PHKA1: variants seen among roughly 807,000 people sequenced by gnomAD.
The protein encoded by PHKA1 is phosphorylase kinase regulatory subunit alpha 1, also known as phosphorylase b kinase regulatory subunit alpha, skeletal muscle isoform.
A neutral mutation model predicts 110.2 loss-of-function variants in PHKA1; 60 were observed. That is an observed-to-expected ratio of 0.54 (90% CI 0.44 to 0.68). The LOEUF (loss-of-function observed/expected upper bound fraction) is 0.68. PHKA1 is among the 30% of genes least tolerant of loss of function. PHKA1 has a pLI of 0.00. For missense variants in PHKA1, 801 were observed against 942.5 expected (o/e 0.85, Z 1.97); for synonymous variants, 316 against 333.6 (o/e 0.95, Z 0.58).
chrX:72,703,106 A>G (rs1438655315), intron 3 of PHKA1, among the ~76,000 whole-genome samples: 2 of 111,691 alleles, frequency 1.8e-5, no homozygotes, highest in Non-Finnish European at 3.8e-5. Flanking sequence ...CCCTGGGCAC[A>G]TGTCTTCAAG....
intron 21 of PHKA1, among the ~76,000 whole-genome samples, chrX:72,617,691 A>C (rs1053644200): frequency 1.3e-4 from 14 of 111,534 alleles, no homozygotes; most frequent in African/African-American, 4.6e-4. Flanking sequence ...AGAAAATCTG[A>C]ATAGATCAAT....
At chrX:72,694,248 C>T (rs2054078582) in intron 4 of PHKA1, among the ~76,000 whole-genome samples, 1 of 112,402 alleles carries the variant, frequency 8.9e-6, no homozygotes, top group African/African-American at 3.2e-5. Context: ...CTGAATCAAT[C>T]TTGCCTTAAA....
intron 6 of PHKA1, among the ~76,000 whole-genome samples, chrX:72,673,858 GGTTT>G (rs2147790399): frequency 9.2e-6 from 1 of 108,493 alleles, no homozygotes; most frequent in Admixed American, 9.8e-5. Flanking sequence ...ACAACGTGCA[GGTTT>G]GTTACATATG....
At chrX:72,604,732 C>T (rs1423074422) in intron 25 of PHKA1, among the ~76,000 whole-genome samples, 2 of 111,718 alleles carry the variant, frequency 1.8e-5, no homozygotes, top group Non-Finnish European at 3.8e-5. Flanking sequence ...ACCATTTTGC[C>T]CTACAGCTTT....
chrX:72,595,259 C>T (rs2052574349), intron 28 of PHKA1, among the ~76,000 whole-genome samples: 1 of 110,914 alleles, frequency 9.0e-6, no homozygotes, highest in Non-Finnish European at 1.9e-5. Flanking sequence ...TAAAAACACT[C>T]AACAAACTAG....
At position 72,621,697 on chromosome X, in the gene PHKA1, TAGTAG is replaced by T. The variant is rs1329638970; in HGVS notation, c.1961-801_1961-797del. The T allele has an allele frequency of 6.1e-5, 37 of 611,068 alleles. No homozygotes were observed. The Middle Eastern group carries it at 3.8e-3, about 62-fold the overall frequency. 50.4% of individuals were successfully genotyped at this position (611,068 alleles called of 1,213,427 possible). On this transcript the variant is annotated intron_variant, in intron 18 of 31. Transcript: ENST00000373542. ...GTGCTCTGATGTGACTAATGCGAAC[TAGTAG>T]AGCTGTAAGAATGGAGCTCATATTC...
intron 15 of PHKA1, among the ~76,000 whole-genome samples, chrX:72,635,547 C>T (rs1306810847): frequency 9.0e-6 from 1 of 111,181 alleles, no homozygotes; most frequent in African/African-American, 3.3e-5. Flanking sequence ...ATCCTGTAAC[C>T]CCCCAGTGAG....
chrX:72,657,257 G>C (rs782089672), intron 9 of PHKA1, among the ~76,000 whole-genome samples: 1 of 112,201 alleles, frequency 8.9e-6, no homozygotes, highest in Non-Finnish European at 1.9e-5. Flanking sequence ...TAAATATTTT[G>C]GGAGAGATAC....
intron 3 of PHKA1, 32 bp from the exon 4 acceptor site, chrX:72,695,908 A>G (rs1336126882): frequency 3.5e-6 from 4 of 1,136,109 alleles, no homozygotes; most frequent in Middle Eastern, 2.4e-4. Flanking sequence ...AAAGAAGGAT[A>G]TACTGAAAAA....
chrX:72,695,116 A>T (rs782243431), intron 4 of PHKA1, among the ~76,000 whole-genome samples: 5 of 111,606 alleles, frequency 4.5e-5, no homozygotes, highest in Admixed American at 1.9e-4. Flanking sequence ...GGATCTCAAT[A>T]ACCGGGTTGG....
At chrX:72,661,637 G>A (rs2053559274) in intron 8 of PHKA1, among the ~76,000 whole-genome samples, 1 of 104,945 alleles carries the variant, frequency 9.5e-6, no homozygotes, top group Admixed American at 1.1e-4. Flanking sequence ...GTTATATACT[G>A]CTTGTATCTG....
At chrX:72,685,885 G>C (rs1056603587) in intron 4 of PHKA1, among the ~76,000 whole-genome samples, 4 of 111,477 alleles carry the variant, frequency 3.6e-5, no homozygotes, top group Non-Finnish European at 5.7e-5. Flanking sequence ...TTTTTTGTTC[G>C]CATTTGTCAC....
In PHKA1 at chrX:72,581,796, A is replaced by AT. The variant is rs200729347; in HGVS notation, c.3498+601dup. On this transcript the variant is annotated intron_variant, in intron 31 of 31. Transcript: ENST00000373542. ...AAAACAGCTATTATATGTTTTGAAA[A>AT]TTTTTTTACTGCCAACAGTGCCTGT... Among the ~76,000 whole-genome samples, 452 of 111,901 alleles carry AT rather than the reference A, an allele frequency of 4.0e-3. 4 individuals are homozygous for AT. Among genetic ancestry groups the AT allele is most frequent in the African/African-American group, 0.014 (426 of 30,800 alleles).
At chrX:72,581,360 A>G (rs1297299411) in intron 31 of PHKA1, among the ~76,000 whole-genome samples, 185 bp from the exon 32 acceptor site, 2 of 111,424 alleles carry the variant, frequency 1.8e-5, no homozygotes, top group Non-Finnish European at 3.8e-5. Flanking sequence ...GTATGCAGGC[A>G]TTTTTCACTA....
chrX:72,714,208 CG>C lies in PHKA1; in HGVS notation c.-329del, dbSNP rs1215683894. 1.3e-5 allele frequency: 3 copies of C among 225,574 alleles called. No individual in the cohort carries two copies. Among genetic ancestry groups the C allele is most frequent in the Non-Finnish European group, 2.4e-5 (3 of 125,436 alleles). 18.6% of individuals were successfully genotyped at this position (225,574 alleles called of 1,213,427 possible). ...GACTCCTGCATCCTCCCCTCAACCCCGGGAGACCGCCGCGGCCCACAGCCTC... is the reference window on the plus strand; with the variant it reads ...GACTCCTGCATCCTCCCCTCAACCCCGGAGACCGCCGCGGCCCACAGCCTC... On this transcript the variant is annotated 5_prime_UTR_variant, in exon 1 of 32. Transcript: ENST00000373542.
In PHKA1 at chrX:72,673,103, A is replaced by G. The variant is rs1344308196; in HGVS notation, c.618+2967T>C. Among the ~76,000 whole-genome samples the G allele has an allele frequency of 6.3e-5, 7 of 111,485 alleles. No homozygotes were observed. The East Asian group carries it at 2.0e-3, about 31-fold the overall frequency. On this transcript the variant is annotated intron_variant, in intron 6 of 31. Coordinates refer to ENST00000373542, the MANE Select transcript of PHKA1 (RefSeq NM_002637.4). ...AAAAGGATTTTTTTTTTTTGCTATA[A>G]ATCACATTATTGGGACAACTAAATA...
At chrX:72,653,359 A>T (rs2053452258) in intron 11 of PHKA1, 76 bp downstream of exon 11, 1 of 622,624 alleles carries the variant, frequency 1.6e-6, no homozygotes, top group African/African-American at 2.2e-5. Context: ...AAATTATTTG[A>T]CTCAAATGAG....
At chrX:72,642,000 C>G (rs1556295582) in intron 14 of PHKA1, among the ~76,000 whole-genome samples, 1 of 111,638 alleles carries the variant, frequency 9.0e-6, no homozygotes, top group Non-Finnish European at 1.9e-5. Context: ...AGCCCAGTGC[C>G]TGGTACATAA....
At position 72,578,984 on chromosome X, in the gene PHKA1, T is replaced by G. The variant is rs369128812; in HGVS notation, c.*2018A>C. ...GTTTTCTTAAAAGTTGCTTTAAAAG[T>G]TAAATACCACTGTATGGGGACCATA... On this transcript the variant is annotated 3_prime_UTR_variant, in exon 32 of 32. Transcript: ENST00000373542. The G allele has an allele frequency of 3.6e-5, 4 of 112,119 alleles. No homozygotes were observed. The East Asian group carries it at 8.3e-4, about 23-fold the overall frequency. The allele number at this position is 112,119 out of a possible 1,213,427, so 9.2% of individuals were successfully genotyped here.
Sources: allele counts gnomAD v4.1 joint callset (sites outside exome capture counted in the v4.1 genomes callset), GRCh38; gene constraint gnomAD v4.1.1; transcripts MANE v1.5; gene names NCBI Gene and HGNC (gene_info 2026-07-23, HGNC 2026-07-21).